Variants in LARS2 observed in about 807,000 individuals in gnomAD.
The protein encoded by LARS2 is leucine--tRNA ligase, mitochondrial.
LARS2 carries 81 observed loss-of-function variants against 116.6 expected under a neutral mutation model. That is an observed-to-expected ratio of 0.69 (90% CI 0.58 to 0.84). The LOEUF is 0.84. LARS2 is among the 40% of genes least tolerant of loss of function. The pLI, the probability that LARS2 is intolerant of heterozygous loss-of-function variation, is 0.00. For missense variants in LARS2, 968 were observed against 1,114.5 expected, an observed-to-expected ratio of 0.87 and a Z score of 1.87; for synonymous variants, 396 against 407.2, an observed-to-expected ratio of 0.97 and a Z score of 0.33.
At chr3:45,530,175 T>A (rs1700593998) in intron 20 of LARS2, among the ~76,000 whole-genome samples, 2 of 152,076 alleles carry the variant, frequency 1.3e-5, no homozygotes, top group South Asian at 4.1e-4. Context: ...ATATTTGGAG[T>A]TTTTTGTTTG....
intron 4 of LARS2, among the ~76,000 whole-genome samples, chr3:45,413,807 C>T (rs918673067): frequency 1.3e-5 from 2 of 152,226 alleles, no homozygotes; most frequent in Non-Finnish European, 2.9e-5. Flanking sequence ...CCTGCTAAGA[C>T]AGGGGCTTAG....
intron 14 of LARS2, 99 bp from the exon 15 acceptor site, chr3:45,500,343 G>A (rs757471211): frequency 8.8e-6 from 10 of 1,139,914 alleles, no homozygotes; most frequent in South Asian, 1.5e-5. Flanking sequence ...TCCCTGATAC[G>A]GTTCATTTCA....
intron 2 of LARS2, among the ~76,000 whole-genome samples, chr3:45,392,290 T>A (rs1294288927): frequency 6.6e-6 from 1 of 151,666 alleles, no homozygotes. Context: ...AATAGAGAGA[T>A]TTCTTTTTTA....
intron 15 of LARS2, among the ~76,000 whole-genome samples, chr3:45,506,286 G>A (rs571111459): frequency 6.6e-6 from 1 of 152,158 alleles, no homozygotes; most frequent in South Asian, 2.1e-4. Context: ...AACAGCCTCT[G>A]AAAACTCTCC....
intron 16 of LARS2, among the ~76,000 whole-genome samples, chr3:45,515,198 C>A (rs1700354710): frequency 6.6e-6 from 1 of 152,206 alleles, no homozygotes; most frequent in African/African-American, 2.4e-5. Context: ...TCTTTCTCAG[C>A]TCTCTCGTTC....
intron 3 of LARS2, among the ~76,000 whole-genome samples, chr3:45,394,953 G>T (rs1698020772): frequency 6.6e-6 from 1 of 152,194 alleles, no homozygotes; most frequent in Admixed American, 6.5e-5. Flanking sequence ...TGTGGTGGAT[G>T]CACACATAGT....
intron 3 of LARS2, among the ~76,000 whole-genome samples, chr3:45,398,825 G>A (rs1246491866): frequency 6.6e-6 from 1 of 152,198 alleles, no homozygotes; most frequent in Non-Finnish European, 1.5e-5. Context: ...GGAGAAAGAG[G>A]TGACTAAAGC....
At chr3:45,523,783 G>A (rs1390098202) in intron 19 of LARS2, among the ~76,000 whole-genome samples, 1 of 151,710 alleles carries the variant, frequency 6.6e-6, no homozygotes, top group African/African-American at 2.4e-5. Context: ...AAAGTAGTGG[G>A]AGTATAAGTG....
At chr3:45,478,096 A>G (rs1168035250) in intron 10 of LARS2, among the ~76,000 whole-genome samples, 1 of 152,218 alleles carries the variant, frequency 6.6e-6, no homozygotes, top group Admixed American at 6.5e-5. Flanking sequence ...ACCTCTTTGC[A>G]ATATGTATTG....
intron 6 of LARS2, among the ~76,000 whole-genome samples, chr3:45,424,066 T>A (rs1330306971): frequency 6.6e-6 from 1 of 152,214 alleles, no homozygotes; most frequent in Non-Finnish European, 1.5e-5. Context: ...ACCAGGAAGC[T>A]GCCTTCGGTA....
chr3:45,424,793 G>A (rs1241733887), intron 6 of LARS2, among the ~76,000 whole-genome samples: 1 of 152,080 alleles, frequency 6.6e-6, no homozygotes, highest in Non-Finnish European at 1.5e-5. Context: ...AACAGTTGTA[G>A]GTCTTTCATT....
chr3:45,518,741 A>G (rs1289586259), intron 18 of LARS2, among the ~76,000 whole-genome samples: 1 of 152,204 alleles, frequency 6.6e-6, no homozygotes, highest in East Asian at 1.9e-4. Flanking sequence ...TTAAAAAAAA[A>G]AAAGTTATGC....
intron 3 of LARS2, among the ~76,000 whole-genome samples, chr3:45,395,735 G>C (rs892076215): frequency 6.6e-6 from 1 of 152,098 alleles, no homozygotes; most frequent in Non-Finnish European, 1.5e-5. Flanking sequence ...TGAGATTGGT[G>C]GTTATGAAAA....
At chr3:45,486,556 T>C (rs1276134705) in intron 11 of LARS2, among the ~76,000 whole-genome samples, 1 of 152,208 alleles carries the variant, frequency 6.6e-6, no homozygotes, top group African/African-American at 2.4e-5. Flanking sequence ...GAGAAAGTTA[T>C]TTCCACACTA....
chr3:45,497,077 A>G lies in LARS2; in HGVS notation c.1622+704A>G, dbSNP rs114242142. ...GCTAAGAAGCCTCACCTCTTACTAC[A>G]TAGTAGATCATTTCCTAAATTGATA... On this transcript the variant is annotated intron_variant, in intron 14 of 21. Transcript: ENST00000645846. Among the ~76,000 whole-genome samples, 726 of 152,332 alleles carry G rather than the reference A, an allele frequency of 4.8e-3. 6 individuals carry two copies. The highest frequency in any genetic ancestry group is 0.017 in the African/African-American group (705 of 41,578).
At chr3:45,543,705 C>T (rs1336138550) in intron 21 of LARS2, among the ~76,000 whole-genome samples, 1 of 152,060 alleles carries the variant, frequency 6.6e-6, no homozygotes, top group Non-Finnish European at 1.5e-5. Context: ...CTCAAGTGAT[C>T]TGCCCACCTC....
chr3:45,444,097 T>C (rs959435892), intron 6 of LARS2, among the ~76,000 whole-genome samples: 2 of 150,310 alleles, frequency 1.3e-5, no homozygotes, highest in East Asian at 2.0e-4. Context: ...CTCCGCCTCC[T>C]GGGTTCACGC....
intron 8 of LARS2, among the ~76,000 whole-genome samples, chr3:45,464,056 G>A (rs184762789): frequency 6.6e-6 from 1 of 152,262 alleles, no homozygotes; most frequent in East Asian, 1.9e-4. Flanking sequence ...TGAAATCAGT[G>A]GGCACTGGAG....
At chr3:45,423,584 T>C (rs1698548157) in intron 6 of LARS2, among the ~76,000 whole-genome samples, 1 of 152,194 alleles carries the variant, frequency 6.6e-6, no homozygotes, top group Non-Finnish European at 1.5e-5. Context: ...ACTGTTATAT[T>C]GCAATTTTTC....
Sources: allele counts gnomAD v4.1 joint callset (sites outside exome capture counted in the v4.1 genomes callset), GRCh38; gene constraint gnomAD v4.1.1; transcripts MANE v1.5; gene names NCBI Gene and HGNC (gene_info 2026-07-23, HGNC 2026-07-21).